The following SLC6A11 variants were observed in gnomAD, a reference collection of about 807,000 sequenced individuals.
The protein encoded by SLC6A11 is sodium- and chloride-dependent GABA transporter 3.
Under a neutral mutation model 74.8 loss-of-function variants are expected in SLC6A11, and 25 were observed. The ratio of observed to expected loss-of-function variants is 0.33; its 90% CI spans 0.24 to 0.47. The LOEUF is 0.47. SLC6A11 is among the 20% of genes least tolerant of loss of function. The probability of loss-of-function intolerance (pLI) is 1.00; values close to 1 mark genes in which losing one functional copy is unlikely to be tolerated. For synonymous variants in SLC6A11, 330 were observed against 330.2 expected, an observed-to-expected ratio of 1.00 and a Z score of 0.01; for missense variants, 574 against 837.0, an observed-to-expected ratio of 0.69 and a Z score of 3.88.
At chr3:10,878,388 C>T (rs908227399) in intron 6 of SLC6A11, among the ~76,000 whole-genome samples, 1 of 151,104 alleles carries the variant, frequency 6.6e-6, no homozygotes, top group African/African-American at 2.4e-5. Context: ...CTTGACTGAC[C>T]AACCATCCAC....
rs34982364 is a variant in SLC6A11, at chr3:10,878,404, C to CTTT, written c.891+3325_891+3327dup. Among the ~76,000 whole-genome samples, 14 of 128,154 alleles carry CTTT rather than the reference C, an allele frequency of 1.1e-4. 1 individual carries two copies. Among genetic ancestry groups the CTTT allele is most frequent in the African/African-American group, 4.0e-4 (13 of 32,226 alleles). The allele number at this position is 128,154 out of a possible 152,430, so 84.1% of individuals were successfully genotyped here. ...TTGACTGACCAACCATCCACTCATC[C>CTTT]TTTTTTTTTTTTTTTTTTGAGATGG... On this transcript the variant is annotated intron_variant, in intron 6 of 13. Coordinates refer to ENST00000254488, the MANE Select transcript of SLC6A11 (RefSeq NM_014229.3).
At chr3:10,845,493 T>A (rs1355166053) in intron 5 of SLC6A11, among the ~76,000 whole-genome samples, 1 of 152,204 alleles carries the variant, frequency 6.6e-6, no homozygotes, top group Non-Finnish European at 1.5e-5. Flanking sequence ...CTCTAAGTTC[T>A]TGGCTGGGGC....
intron 5 of SLC6A11, among the ~76,000 whole-genome samples, chr3:10,873,971 TGCTAC>T (rs762939574): frequency 4.1e-4 from 53 of 130,516 alleles, no homozygotes; most frequent in Middle Eastern, 3.6e-3. Flanking sequence ...CGCTATGCTA[TGCTAC>T]GCTACGCTAC....
intron 6 of SLC6A11, among the ~76,000 whole-genome samples, chr3:10,900,610 T>A (rs1231880152): frequency 6.6e-6 from 1 of 152,234 alleles, no homozygotes; most frequent in African/African-American, 2.4e-5. Flanking sequence ...CCCTTTTGGC[T>A]TCTCCAGGGC....
At chr3:10,858,319 CAG>C (rs781742409) in intron 5 of SLC6A11, among the ~76,000 whole-genome samples, 24 of 152,168 alleles carry the variant, frequency 1.6e-4, no homozygotes, top group Non-Finnish European at 2.8e-4. Flanking sequence ...ATATGTAAAA[CAG>C]AGTTAGCTTC....
intron 6 of SLC6A11, among the ~76,000 whole-genome samples, chr3:10,882,392 G>A (rs149988794): frequency 3.3e-5 from 5 of 152,064 alleles, no homozygotes; most frequent in Non-Finnish European, 4.4e-5. Flanking sequence ...ACCACCCCAC[G>A]TGCTCCTGGT....
At chr3:10,900,559 C>T (rs989724335) in intron 6 of SLC6A11, among the ~76,000 whole-genome samples, 2 of 152,220 alleles carry the variant, frequency 1.3e-5, no homozygotes, top group Non-Finnish European at 2.9e-5. Context: ...CTTTTCCGTT[C>T]TCCTCCCAAG....
intron 4 of SLC6A11, among the ~76,000 whole-genome samples, chr3:10,830,746 A>G (rs1018860276): frequency 6.6e-6 from 1 of 152,120 alleles, no homozygotes; most frequent in Non-Finnish European, 1.5e-5. Flanking sequence ...TGTTTGGGGA[A>G]TGGCAAGGCA....
intron 5 of SLC6A11, among the ~76,000 whole-genome samples, chr3:10,851,157 T>G (rs1291444566): frequency 6.6e-6 from 1 of 151,948 alleles, no homozygotes; most frequent in Non-Finnish European, 1.5e-5. Context: ...ACTGCCTGGT[T>G]CCTTCTTCTG....
At position 10,829,772 on chromosome 3, in the gene SLC6A11, A is replaced by G. The variant is rs3732945; in HGVS notation, c.623+6380A>G. Among the ~76,000 whole-genome samples the G allele has an allele frequency of 5.1e-3, 781 of 152,320 alleles. 25 individuals carry two copies. The South Asian group carries it at 0.066, about 13-fold the overall frequency. On this transcript the variant is annotated intron_variant, in intron 4 of 13. Transcript: ENST00000254488. ...CCTAGCATGTGGTGAGTGCTAATAA[A>G]TAGTAGCTGTTTTTACACAGGAGAC... is the stretch of plus-strand genomic sequence containing the variant.
chr3:10,938,169 G>T (rs1300537921), intron 13 of SLC6A11, 81 bp from the exon 14 acceptor site: 2 of 1,344,370 alleles, frequency 1.5e-6, no homozygotes, highest in East Asian at 4.7e-5. Context: ...GATGTCCGCC[G>T]TGTGCTTGGG....
At chr3:10,878,016 A>C (rs1292858307) in intron 6 of SLC6A11, among the ~76,000 whole-genome samples, 1 of 152,128 alleles carries the variant, frequency 6.6e-6, no homozygotes, top group Admixed American at 6.5e-5. Context: ...CCACTGGAAA[A>C]CTGTAGTAGC....
chr3:10,837,614 G>A (rs190511207), intron 4 of SLC6A11, among the ~76,000 whole-genome samples: 8 of 152,330 alleles, frequency 5.3e-5, no homozygotes, highest in African/African-American at 1.9e-4. Flanking sequence ...TACATGTGGC[G>A]TGGTGAGCAG....
At chr3:10,875,195 A>G in intron 6 of SLC6A11, 100 bp downstream of exon 6, 2 of 1,064,006 alleles carry the variant, frequency 1.9e-6, no homozygotes. Flanking sequence ...AGCTGGTTGA[A>G]CAGTGGAAAG....
chr3:10,816,366 C>T lies in SLC6A11; in HGVS notation c.101C>T (p.Ala34Val), dbSNP rs1451859570. 15 of 1,468,260 alleles carry T rather than the reference C, an allele frequency of 1.0e-5. No homozygotes were observed. The East Asian group carries it at 3.8e-4, about 37-fold the overall frequency. The allele number at this position is 1,468,260 out of a possible 1,614,324, so 91.0% of individuals were successfully genotyped here. A position where few individuals can be genotyped will look rare whatever the true frequency, so the allele number is the denominator to read the frequency against. Residue 34 changes from alanine to valine, a missense_variant, in exon 1 of 14, where the codon GCG becomes GTG. Coordinates refer to ENST00000254488, the MANE Select transcript of SLC6A11 (RefSeq NM_014229.3). This position sits in a 1 kb window ranked among gnomAD's most constrained non-coding sequence, Gnocchi z 4.2. ...GGCGGCTGCAGCAGCGGGGGCGCGG[C>T]GCCCGCGCGCCACCCGCGCGTCAAG... ...PGGGCSSGGA[A>V]PARHPRVKRD... is the part of the protein sequence containing the mutation.
At chr3:10,913,408 G>A (rs1048605199) in intron 7 of SLC6A11, among the ~76,000 whole-genome samples, 3 of 152,154 alleles carry the variant, frequency 2.0e-5, no homozygotes, top group Non-Finnish European at 2.9e-5. Flanking sequence ...GAGGTGGGGA[G>A]GTGGGCTTTT....
intron 5 of SLC6A11, among the ~76,000 whole-genome samples, chr3:10,866,401 G>A (rs1694763152): frequency 6.6e-6 from 1 of 152,172 alleles, no homozygotes; most frequent in Non-Finnish European, 1.5e-5. Flanking sequence ...TGCAGAAGAG[G>A]GAGAATAGAG....
At chr3:10,851,818 G>A (rs1276474216) in intron 5 of SLC6A11, among the ~76,000 whole-genome samples, 2 of 152,230 alleles carry the variant, frequency 1.3e-5, no homozygotes, top group Non-Finnish European at 2.9e-5. Flanking sequence ...TTTTGCAGGT[G>A]AGGGCACCTG....
intron 4 of SLC6A11, among the ~76,000 whole-genome samples, chr3:10,842,507 T>A (rs770625083): frequency 5.3e-5 from 8 of 152,204 alleles, no homozygotes; most frequent in Non-Finnish European, 1.2e-4. Context: ...TAATAAGGCC[T>A]GTAGTTTTAA....
Sources: gnomAD v4.1 joint callset for allele counts (sites outside exome capture counted in the v4.1 genomes callset) on GRCh38, gnomAD v4.1.1 for gene constraint, Gnocchi (gnomAD v3.1) non-coding constraint, MANE v1.5 for transcripts, NCBI Gene and HGNC (gene_info 2026-07-23, HGNC 2026-07-21) for gene names.